Variants in ELMO3 observed in about 807,000 individuals in gnomAD.
ELMO3 encodes engulfment and cell motility 3, also known as engulfment and cell motility protein 3.
Under a neutral mutation model 89.0 loss-of-function variants are expected in ELMO3, and 81 were observed. The ratio of observed to expected loss-of-function variants is 0.91; its 90% CI spans 0.76 to 1.09. The LOEUF (loss-of-function observed/expected upper bound fraction) is 1.09. ELMO3 is among the 50% of genes least tolerant of loss of function. The pLI is 0.00. For missense variants in ELMO3, 959 were observed against 972.8 expected (o/e 0.99, Z 0.19); for synonymous variants, 406 against 400.6 (o/e 1.01, Z -0.16).
At position 67,200,293 on chromosome 16, in the gene ELMO3, C is replaced by T. The variant is rs1311761028; in HGVS notation, c.345C>T (p.Ile115=). The T allele has an allele frequency of 6.2e-7, 1 of 1,613,854 alleles. No homozygotes were observed. The highest frequency in any genetic ancestry group is 8.5e-7 in the Non-Finnish European group (1 of 1,180,040). ...RRLVPLASDM[I]FAREVISRNG... ...TTGTTCCGCTGGCCTCGGACATGAT[C>T]TTTGCCAGGGAGGTCATCAGCCGTA... is the stretch of plus-strand genomic sequence containing the variant. The change falls in exon 5 of 20, where the codon ATC becomes ATT. Residue 115 remains isoleucine (I), a synonymous_variant. Transcript: ENST00000393997.
chr16:67,201,010 G>A (rs767275401), intron 8 of ELMO3, 42 bp downstream of exon 8: 2 of 1,563,482 alleles, frequency 1.3e-6, no homozygotes, highest in East Asian at 2.3e-5. Context: ...GCACCCGGTG[G>A]GCGCTGCCCC....
chr16:67,199,775 G>A lies in ELMO3; in HGVS notation c.192+19G>A, dbSNP rs2033055385. The A allele has an allele frequency of 1.2e-6, 2 of 1,608,316 alleles. No homozygotes were observed. Among genetic ancestry groups the A allele is most frequent in the East Asian group, 2.2e-5 (1 of 44,734 alleles). On this transcript the variant is annotated intron_variant, in intron 3 of 19. Coordinates refer to ENST00000393997, the MANE Select transcript of ELMO3 (RefSeq NM_024712.5). The stretch of plus-strand genomic sequence containing the variant: ...CGAGAATGTGAGTCCCCTCTCCCCA[G>A]CCCCAAGCTCGGCCTTCCGACCCCT...
Position 67,201,617 on chromosome 16 carries a change from G to A in ELMO3, c.893G>A (p.Arg298Gln), listed in dbSNP as rs777708052. 9 of 1,613,192 alleles carry A rather than the reference G, an allele frequency of 5.6e-6. No individual in the cohort carries two copies. The highest frequency in any genetic ancestry group is 1.3e-5 in the African/African-American group (1 of 75,062). ...LMLGLLEPRM[R>Q]TPLDPYSQEQ... ...CTGGGGCTGCTGGAGCCGCGCATGC[G>A]GACGCCCCTGGACCCCTACAGCCAG... is the stretch of plus-strand genomic sequence containing the variant. Residue 298 changes from arginine (R) to glutamine (Q), a missense_variant, in exon 10 of 20, where the codon CGG becomes CAG. By Grantham distance (43) the Arg-to-Gln change is conservative. Transcript: ENST00000393997.
intron 8 of ELMO3, 100 bp from the exon 9 acceptor site, chr16:67,201,285 C>T: frequency 6.6e-7 from 1 of 1,505,252 alleles, no homozygotes; most frequent in East Asian, 2.3e-5. Flanking sequence ...CCTCCATCTC[C>T]TGACCTCGTG....
intron 3 of ELMO3, 25 bp downstream of exon 3, chr16:67,199,781 A>G (rs769608273): frequency 1.2e-6 from 2 of 1,605,750 alleles, no homozygotes; most frequent in South Asian, 2.2e-5. Flanking sequence ...CCCAGCCCCA[A>G]GCTCGGCCTT....
In ELMO3 at chr16:67,201,747, GC is replaced by G; in HGVS notation, c.925del (p.Arg309GlyfsTer23). The G allele has an allele frequency of 6.2e-7, 1 of 1,610,134 alleles. No homozygotes were observed. The highest frequency in any genetic ancestry group is 8.5e-7 in the Non-Finnish European group (1 of 1,180,018). ...CCACCCAACACTGACCCCAGGAGCA[GC>G]GGGAGCAGCTGCAGGTCCTACGCCA... ...TPLDPYSQEQ[R>X]EQLQVLRQAA... is the part of the protein sequence containing the mutation. On this transcript the variant is annotated frameshift_variant, in exon 11 of 20. Coordinates refer to ENST00000393997, the MANE Select transcript of ELMO3 (RefSeq NM_024712.5). LOFTEE classifies it high-confidence loss of function.
chr16:67,199,301 G>A lies in ELMO3; in HGVS notation c.-26G>A. On this transcript the variant is annotated 5_prime_UTR_variant, in exon 1 of 20. Transcript: ENST00000393997. ...CGCAGGTGCACGGTCTCCGGAAAGT[G>A]CAGGCGCCCACGTCCCAGCTGGACC... 1 of 1,612,418 alleles carries A rather than the reference G, an allele frequency of 6.2e-7. No homozygotes were observed.
chr16:67,200,890 G>A lies in ELMO3; in HGVS notation c.666G>A (p.Val222=). 6.2e-7 allele frequency: 1 copy of A among 1,613,722 alleles called. No homozygotes were observed. The highest frequency in any genetic ancestry group is 1.3e-5 in the African/African-American group (1 of 75,034). The part of the protein sequence containing the change: ...PLDRLLVHLQ[V]MNQQLQTKAM... ...CCACTGAGCCCTCTTCTTGCCATAG[G>A]ATGAACCAGCAGCTGCAAACCAAGG... is the stretch of plus-strand genomic sequence containing the variant. The change falls in exon 8 of 20, where the codon GTG becomes GTA. Residue 222 remains valine (V), a splice_region_variant and synonymous_variant. Transcript: ENST00000393997.
chr16:67,199,501 T>TCCTCCCCATC (rs1252035909), intron 1 of ELMO3, 52 bp from the exon 2 acceptor site: 219 of 751,106 alleles, frequency 2.9e-4, no homozygotes, highest in Non-Finnish European at 3.7e-4. Context: ...CCCCCCAGGC[T>TCCTCCCCATC]CCTCCCCATC....
chr16:67,203,507 A>AAG lies in ELMO3; in HGVS notation c.1874_1875insAG (p.Leu626GlyfsTer55). The AAG allele has an allele frequency of 1.9e-6, 3 of 1,598,204 alleles. No individual in the cohort carries two copies. The highest frequency in any genetic ancestry group is 1.7e-6 in the Non-Finnish European group (2 of 1,171,100). On this transcript the variant is annotated frameshift_variant, in exon 19 of 20. Coordinates refer to ENST00000393997, the MANE Select transcript of ELMO3 (RefSeq NM_024712.5). LOFTEE classifies it high-confidence loss of function. The surrounding 1 kb of genome is among the most constrained non-coding windows in gnomAD (Gnocchi z 4.6). ...CCCTTGCTTCCCCAGGACCTCTATG[A>AAG]GTTGGCCTTCTCAATCAGCTATGAC...
rs776689724 is a variant in ELMO3, at chr16:67,202,799, G to T, written c.1562+9G>T. On this transcript the variant is annotated intron_variant, in intron 15 of 19. Transcript: ENST00000393997. ...CTGGCTCCCCCTATACTGTGAGTCT[G>T]GGGGGATGGATCCTCAGTCCTAGCC... 4 of 1,612,580 alleles carry T rather than the reference G, an allele frequency of 2.5e-6. No individual in the cohort carries two copies. The highest frequency in any genetic ancestry group is 2.2e-5 in the East Asian group (1 of 44,870).
chr16:67,202,011 C>T lies in ELMO3; in HGVS notation c.1085C>T (p.Pro362Leu), dbSNP rs575196946. The change falls in exon 12 of 20, where the codon CCC becomes CTC. Residue 362 changes from proline to leucine, a missense_variant. Physicochemically the swap from Pro to Leu is moderately conservative, Grantham distance 98. Transcript: ENST00000393997. Reference protein sequence around the residue: ...SNPAQDLERVPPGLLALDNML... With the variant: ...SNPAQDLERVLPGLLALDNML... ...CCAGCACAGGACCTGGAGCGCGTGC[C>T]CCCCGGTCTGCTGGCCCTGGACAAC... is the stretch of plus-strand genomic sequence containing the variant. The T allele has an allele frequency of 1.6e-5, 26 of 1,613,332 alleles. No individual in the cohort carries two copies. The highest frequency in any genetic ancestry group is 5.0e-5 in the Admixed American group (3 of 60,008).
rs771576861 is a variant in ELMO3, at chr16:67,202,434, C to T, written c.1299C>T (p.Phe433=). ...CCCAGGACTTCTCACCCATGTTCTT[C>T]GGCCAAGACCAGAGCTTCCACGAGC... ...ETAQDFSPMF[F]GQDQSFHELF... The change falls in exon 14 of 20, where the codon TTC becomes TTT. Residue 433 remains phenylalanine, a synonymous_variant. Coordinates refer to ENST00000393997, the MANE Select transcript of ELMO3 (RefSeq NM_024712.5). The T allele has an allele frequency of 8.7e-6, 14 of 1,613,750 alleles. No homozygotes were observed. The highest frequency in any genetic ancestry group is 2.2e-5 in the South Asian group (2 of 91,094).
At chr16:67,200,416 G>A (rs1204263682) in intron 5 of ELMO3, 35 bp from the exon 6 acceptor site, 2 of 1,608,230 alleles carry the variant, frequency 1.2e-6, no homozygotes, top group Non-Finnish European at 1.7e-6. Context: ...TGGTCCTGGG[G>A]TGGTCCTGCT....
chr16:67,199,451 CG>C, intron 1 of ELMO3, 47 bp downstream of exon 1: 1 of 1,596,478 alleles, frequency 6.3e-7, no homozygotes, highest in Non-Finnish European at 8.5e-7. Context: ...CCCCACCTCC[CG>C]GTAGCCCCCT....
In ELMO3 at chr16:67,202,168, G is replaced by A. The variant is rs751004910; in HGVS notation, c.1153-8G>A. On this transcript the variant is annotated splice_polypyrimidine_tract_variant and splice_region_variant and intron_variant, in intron 12 of 19. Coordinates refer to ENST00000393997, the MANE Select transcript of ELMO3 (RefSeq NM_024712.5). Reference sequence around the variant, plus strand: ...TGTGACTCCTTGCCCCATTCTCTGCGCCCCCAGTTTGTGTTGGAGAACAGC... The same window carrying A: ...TGTGACTCCTTGCCCCATTCTCTGCACCCCCAGTTTGTGTTGGAGAACAGC... The A allele has an allele frequency of 1.6e-5, 26 of 1,598,468 alleles. No homozygotes were observed. The highest frequency in any genetic ancestry group is 1.7e-4 in the Middle Eastern group (1 of 6,010).
In ELMO3 at chr16:67,202,943, G is replaced by A; in HGVS notation, c.1614G>A (p.Gln538=). ...KPELMGLIRQ[Q]RLLRLCEGTL... ...AGCTCATGGGCCTGATCCGCCAGCAGCGCTTGCTCCGCCTCTGTGAGGGGA... is the reference window on the plus strand; with the variant it reads ...AGCTCATGGGCCTGATCCGCCAGCAACGCTTGCTCCGCCTCTGTGAGGGGA... The change falls in exon 16 of 20, where the codon CAG becomes CAA. Residue 538 remains glutamine (Q), a synonymous_variant. Coordinates refer to ENST00000393997, the MANE Select transcript of ELMO3 (RefSeq NM_024712.5). 2 of 1,610,450 alleles carry A rather than the reference G, an allele frequency of 1.2e-6. No individual in the cohort carries two copies. The highest frequency in any genetic ancestry group is 1.7e-6 in the Non-Finnish European group (2 of 1,179,928).
intron 1 of ELMO3, 53 bp downstream of exon 1, chr16:67,199,457 C>A: frequency 1.3e-6 from 2 of 1,588,012 alleles, no homozygotes; most frequent in Non-Finnish European, 1.7e-6. Context: ...CTCCCGGTAG[C>A]CCCCTGGCCC....
rs371873161 is a variant in ELMO3 at position 67,203,270 on chromosome 16, G to A, written c.1780+47G>A. On this transcript the variant is annotated intron_variant, in intron 17 of 19. Transcript: ENST00000393997. This position sits in a 1 kb window ranked among gnomAD's most constrained non-coding sequence, Gnocchi z 4.6. ...GCCAGATACCTGCTCTCCCCAGACC[G>A]CCCTGGGCCCCGGGGCTGCCAGGGC... 3.9e-4 allele frequency: 623 copies of A among 1,589,428 alleles called. No individual in the cohort carries two copies. Among genetic ancestry groups the A allele is most frequent in the Non-Finnish European group, 5.0e-4 (586 of 1,172,044 alleles).
Sources: allele counts gnomAD v4.1 joint callset, GRCh38; gene constraint gnomAD v4.1.1; non-coding constraint Gnocchi (gnomAD v3.1); transcripts MANE v1.5; gene names NCBI Gene and HGNC (gene_info 2026-07-23, HGNC 2026-07-21).